GALK2: variants seen among roughly 807,000 people sequenced by gnomAD.
GALK2 encodes galactokinase 2, also known as N-acetylgalactosamine kinase.
In GALK2, 36 loss-of-function variants were observed where a neutral mutation model predicts 52.4. That is an observed-to-expected ratio of 0.69 (90% confidence interval 0.53 to 0.91). The LOEUF is 0.91. GALK2 is among the 40% of genes least tolerant of loss of function. The probability of loss-of-function intolerance (pLI) is 0.00; values close to 1 mark genes in which losing one functional copy is unlikely to be tolerated. For missense variants in GALK2, 579 were observed against 559.1 expected, an observed-to-expected ratio of 1.04 and a Z score of -0.36; for synonymous variants, 176 against 199.1, an observed-to-expected ratio of 0.88 and a Z score of 0.98.
chr15:49,265,664 C>T (rs1028966252), intron 5 of GALK2, among the ~76,000 whole-genome samples: 12 of 152,234 alleles, frequency 7.9e-5, no homozygotes, highest in African/African-American at 1.9e-4. Context: ...TCTTCTGCGT[C>T]GCTCACGCTG....
At chr15:49,311,680 C>T (rs1331355440) in intron 8 of GALK2, among the ~76,000 whole-genome samples, 1 of 152,130 alleles carries the variant, frequency 6.6e-6, no homozygotes, top group Non-Finnish European at 1.5e-5. Flanking sequence ...TGGATATATC[C>T]GTATTGTACT....
rs2085770101 is a variant in GALK2, at chr15:49,179,319, CAACTCATACAAATT to C, written c.53+8948_53+8961del. Among the ~76,000 whole-genome samples, 6 of 152,108 alleles carry C rather than the reference CAACTCATACAAATT, an allele frequency of 3.9e-5. No individual in the cohort carries two copies. The South Asian group carries it at 1.2e-3, about 32-fold the overall frequency. Reference sequence around the variant, plus strand: ...AGATGAGGAAAATTGAGGCATGGAGCAACTCATACAAATTAACATAAAAATTCATGTTATAACCA... The same window carrying C: ...AGATGAGGAAAATTGAGGCATGGAGCAACATAAAAATTCATGTTATAACCA... On this transcript the variant is annotated intron_variant, in intron 1 of 9. Transcript: ENST00000560031.
intron 5 of GALK2, among the ~76,000 whole-genome samples, chr15:49,272,176 T>C (rs1218497178): frequency 2.6e-5 from 4 of 152,204 alleles, no homozygotes; most frequent in Non-Finnish European, 5.9e-5. Context: ...ATTGACCTTT[T>C]TGAGCCTCAA....
At chr15:49,284,971 C>T (rs1276928300) in intron 7 of GALK2, among the ~76,000 whole-genome samples, 2 of 152,178 alleles carry the variant, frequency 1.3e-5, no homozygotes, top group African/African-American at 4.8e-5. Context: ...CTACCCTAAG[C>T]CTCACAACTC....
rs139850025 is a variant in GALK2 at position 49,367,000 on chromosome 15, CA to C, written c.427-490del. Among the ~76,000 whole-genome samples the C allele has an allele frequency of 1.5e-3, 226 of 152,254 alleles. 1 individual carries two copies. Among genetic ancestry groups the C allele is most frequent in the African/African-American group, 5.1e-3 (214 of 41,556 alleles). The stretch of plus-strand genomic sequence containing the variant: ...CGATTTTAATTTATTTTTTATTTTA[CA>C]CATAAAAATAAATTTTTTAATGTGT... On this transcript the variant is annotated intron_variant, in intron 3 of 3. Coordinates refer to the GALK2 transcript ENST00000558399.
intron 5 of GALK2, among the ~76,000 whole-genome samples, chr15:49,266,096 G>C (rs1448043135): frequency 6.6e-6 from 1 of 152,160 alleles, no homozygotes; most frequent in African/African-American, 2.4e-5. Flanking sequence ...TGGCACTTCT[G>C]CTTCTGGATT....
At chr15:49,193,351 T>A (rs1452572219) in intron 1 of GALK2, among the ~76,000 whole-genome samples, 1 of 152,014 alleles carries the variant, frequency 6.6e-6, no homozygotes, top group Non-Finnish European at 1.5e-5. Context: ...TTTCACATGG[T>A]TTTTAAGAGG....
intron 1 of GALK2, among the ~76,000 whole-genome samples, chr15:49,187,639 A>G (rs1433454161): frequency 2.0e-5 from 3 of 152,102 alleles, no homozygotes; most frequent in African/African-American, 7.2e-5. Flanking sequence ...CCCAAGCTGC[A>G]AGAGAAAGTC....
chr15:49,243,270 C>T (rs2091186996), intron 5 of GALK2, among the ~76,000 whole-genome samples: 2 of 152,134 alleles, frequency 1.3e-5, no homozygotes, highest in Non-Finnish European at 2.9e-5. Context: ...ACACTGAGCA[C>T]TGAGAAAGGC....
Position 49,213,889 on chromosome 15 carries a change from G to A in GALK2, c.143-3301G>A, listed in dbSNP as rs374963081. 5.3e-5 allele frequency among the ~76,000 whole-genome samples: 8 copies of A among 151,986 alleles called. No homozygotes were observed. The East Asian group carries it at 1.4e-3, about 26-fold the overall frequency. On this transcript the variant is annotated intron_variant, in intron 2 of 9. Coordinates refer to ENST00000560031, the MANE Select transcript of GALK2 (RefSeq NM_002044.4). ...TCCCAGCACGTTGGCAGGTGGAGGC[G>A]GGTGGATCATGGGGTCAGGAGATCG... is the stretch of plus-strand genomic sequence containing the variant.
At chr15:49,317,866 A>G (rs1234654541) in intron 8 of GALK2, among the ~76,000 whole-genome samples, 1 of 152,124 alleles carries the variant, frequency 6.6e-6, no homozygotes, top group Non-Finnish European at 1.5e-5. Context: ...CAATGGACAC[A>G]TGGACACAGG....
At chr15:49,309,064 C>T (rs896497137) in intron 8 of GALK2, among the ~76,000 whole-genome samples, 14 of 152,136 alleles carry the variant, frequency 9.2e-5, no homozygotes, top group East Asian at 3.9e-4. Context: ...TTCTGGTGTC[C>T]GGGCACTTGT....
chr15:49,198,071 C>T (rs981521568), intron 1 of GALK2, among the ~76,000 whole-genome samples: 18 of 152,194 alleles, frequency 1.2e-4, no homozygotes, highest in African/African-American at 4.3e-4. Flanking sequence ...CAAGATTTAT[C>T]AACAGCATCA....
chr15:49,165,285 G>C (rs907722640), upstream of GALK2, among the ~76,000 whole-genome samples: 1 of 152,154 alleles, frequency 6.6e-6, no homozygotes, highest in Non-Finnish European at 1.5e-5. Context: ...AGAGAATGTT[G>C]GGATGGTTTT....
In GALK2 at chr15:49,328,443, A is replaced by G. The variant is rs1461783947; in HGVS notation, c.*284A>G. The G allele has an allele frequency of 6.2e-5, 90 of 1,459,064 alleles. No homozygotes were observed. Among genetic ancestry groups the G allele is most frequent in the Non-Finnish European group, 7.9e-5 (87 of 1,106,372 alleles). 90.4% of individuals were successfully genotyped at this position (1,459,064 alleles called of 1,614,324 possible). A position where few individuals can be genotyped will look rare whatever the true frequency, so the allele number is the denominator to read the frequency against. ...ATTGATTTGAAGATTTTAAAGATGA[A>G]TGGTAAAACACACTCTTAATACTGA... On this transcript the variant is annotated 3_prime_UTR_variant, in exon 10 of 10. Transcript: ENST00000560031.
At chr15:49,266,326 A>C (rs2092358231) in intron 5 of GALK2, among the ~76,000 whole-genome samples, 1 of 152,148 alleles carries the variant, frequency 6.6e-6, no homozygotes, top group African/African-American at 2.4e-5. Flanking sequence ...GTGGAGAAAC[A>C]GATTTCATCT....
At chr15:49,276,239 A>T (rs991233840) in intron 5 of GALK2, among the ~76,000 whole-genome samples, 1 of 152,210 alleles carries the variant, frequency 6.6e-6, no homozygotes, top group Non-Finnish European at 1.5e-5. Flanking sequence ...AAGAAAATAC[A>T]TGGTAGAGAC....
chr15:49,312,717 G>A (rs1007214245), intron 8 of GALK2, among the ~76,000 whole-genome samples: 3 of 152,160 alleles, frequency 2.0e-5, no homozygotes, highest in Non-Finnish European at 4.4e-5. Flanking sequence ...GGTACATAGT[G>A]GACCCTCAAC....
chr15:49,338,458 A>C (rs989832936), intron 3 of GALK2, among the ~76,000 whole-genome samples: 11 of 151,930 alleles, frequency 7.2e-5, no homozygotes, highest in African/African-American at 2.4e-4. Flanking sequence ...TTGGCTCCCA[A>C]TCTCTTCTGG....
Sources: allele counts gnomAD v4.1 joint callset (sites outside exome capture counted in the v4.1 genomes callset), GRCh38; gene constraint gnomAD v4.1.1; transcripts MANE v1.5; gene names NCBI Gene and HGNC (gene_info 2026-07-23, HGNC 2026-07-21).